The following MVK variants were observed in gnomAD, a reference collection of about 807,000 sequenced individuals.
MVK encodes the protein LH receptor mRNA-binding protein.
In MVK, 34 loss-of-function variants were observed where a neutral mutation model predicts 43.2. The ratio of observed to expected loss-of-function variants is 0.79; its 90% CI spans 0.60 to 1.05. MVK has a LOEUF of 1.05. Among genes scored for constraint, MVK ranks in the 50% least tolerant of loss-of-function variants. The pLI is 0.00. For missense variants in MVK, 395 were observed against 504.0 expected (o/e 0.78, Z 2.07); for synonymous variants, 190 against 219.8 (o/e 0.86, Z 1.20).
rs28934897 is a variant in MVK, at chr12:109,596,515, G to A, written c.1129G>A (p.Val377Ile). The A allele has an allele frequency of 2.1e-3, 3,382 of 1,612,856 alleles. 4 individuals carry two copies. Among genetic ancestry groups the A allele is most frequent in the Non-Finnish European group, 2.5e-3 (2,954 of 1,179,938 alleles). ...CLETSIGAPG[V>I]SIHSATSLDS... The stretch of plus-strand genomic sequence containing the variant: ...GGAAACCAGCATCGGTGCCCCCGGC[G>A]TCTCCATCCACTCAGCCACCTCCCT... Residue 377 changes from valine to isoleucine, a missense_variant, in exon 11 of 11, where the codon GTC becomes ATC. Transcript: ENST00000228510.
At chr12:109,573,901 C>T (rs896344071) in intron 1 of MVK, 28 bp downstream of exon 1, 5 of 191,512 alleles carry the variant, frequency 2.6e-5, no homozygotes, top group South Asian at 2.0e-4. Context: ...GGCGGCCGGG[C>T]GGCGCGAGGT....
chr12:109,591,926 G>A (rs771990594), intron 9 of MVK, among the ~76,000 whole-genome samples: 37 of 152,176 alleles, frequency 2.4e-4, no homozygotes, highest in African/African-American at 6.5e-4. Context: ...TCTGCTGGAC[G>A]TGTGGCCTCG....
chr12:109,583,029 GT>G (rs1375705667), intron 5 of MVK, among the ~76,000 whole-genome samples: 2 of 151,244 alleles, frequency 1.3e-5, no homozygotes, highest in Non-Finnish European at 2.9e-5. Context: ...TTTTGTTTTT[GT>G]TTTTTTAACT....
chr12:109,587,581 G>A (rs1230962938), intron 7 of MVK, among the ~76,000 whole-genome samples: 1 of 152,116 alleles, frequency 6.6e-6, no homozygotes, highest in Non-Finnish European at 1.5e-5. Flanking sequence ...AGGGCACTTT[G>A]CCACCTCCAT....
intron 5 of MVK, among the ~76,000 whole-genome samples, chr12:109,584,389 C>T (rs763257096): frequency 7.2e-5 from 11 of 152,210 alleles, no homozygotes; most frequent in South Asian, 2.1e-4. Context: ...GGCCCCCAGG[C>T]GCTGTGACCC....
intron 3 of MVK, among the ~76,000 whole-genome samples, chr12:109,578,229 C>A (rs1214820131): frequency 1.3e-5 from 2 of 151,830 alleles, no homozygotes; most frequent in Admixed American, 1.3e-4. Context: ...CTTTCAGTGT[C>A]CTTTTGCTCC....
At position 109,581,425 on chromosome 12, in the gene MVK, G is replaced by C; in HGVS notation, c.402G>C (p.Trp134Cys). ...TGCCGAGCCTGGATATCGTAGTGTG[G>C]TCGGAGCTGCCCCCCGGGGCGGGCT... The part of the protein sequence containing the change: ...RALPSLDIVV[W>C]SELPPGAGLG... Residue 134 changes from tryptophan (W) to cysteine (C), a missense_variant, in exon 5 of 11, where the codon TGG (tryptophan) becomes TGC (cysteine). Trp to Cys is a radical substitution (Grantham distance 215). Transcript: ENST00000228510. 6.2e-7 allele frequency: 1 copy of C among 1,614,142 alleles called. No homozygotes were observed. Among genetic ancestry groups the C allele is most frequent in the African/African-American group, 1.3e-5 (1 of 75,054 alleles).
At chr12:109,590,355 G>C (rs1250374403) in intron 7 of MVK, 14 of 331,186 alleles carry the variant, frequency 4.2e-5, no homozygotes, top group Non-Finnish European at 7.7e-5. Flanking sequence ...GCTCACACAG[G>C]CTGCTCCAAC....
In MVK at chr12:109,579,792, T is replaced by C; in HGVS notation, c.227-10T>C. 1 of 1,614,232 alleles carries C rather than the reference T, an allele frequency of 6.2e-7. No homozygotes were observed. The highest frequency in any genetic ancestry group is 2.2e-5 in the East Asian group (1 of 44,888). ...ACCCACTTGTGTTTGCTTGTTTGCCTGTGGAACAGAGCAAGGTGATGTCAC... is the reference window on the plus strand; with the variant it reads ...ACCCACTTGTGTTTGCTTGTTTGCCCGTGGAACAGAGCAAGGTGATGTCAC... On this transcript the variant is annotated splice_polypyrimidine_tract_variant and intron_variant, in intron 3 of 10. Transcript: ENST00000228510.
intron 9 of MVK, among the ~76,000 whole-genome samples, chr12:109,593,826 T>C (rs1346674995): frequency 1.3e-5 from 2 of 148,758 alleles, no homozygotes; most frequent in Non-Finnish European, 3.0e-5. Context: ...CAAATGATCC[T>C]CGTGCCGCAG....
chr12:109,596,542 G>A lies in MVK; in HGVS notation c.1156G>A (p.Asp386Asn), dbSNP rs104895380. The A allele has an allele frequency of 5.1e-4, 829 of 1,611,848 alleles. 10 individuals are homozygous for A. The South Asian group carries it at 8.3e-3, about 16-fold the overall frequency. Residue 386 changes from aspartate (D) to asparagine (N), a missense_variant, in exon 11 of 11, where the codon GAC (aspartate) becomes AAC (asparagine). Asp to Asn is a conservative substitution (Grantham distance 23, BLOSUM62 1). Transcript: ENST00000228510. ...GVSIHSATSL[D>N]SRVQQALDGL ...CTCCATCCACTCAGCCACCTCCCTG[G>A]ACAGCCGAGTCCAGCAAGCCCTGGA...
chr12:109,581,831 G>A (rs991553299), intron 5 of MVK, among the ~76,000 whole-genome samples: 5 of 152,148 alleles, frequency 3.3e-5, no homozygotes, highest in African/African-American at 1.2e-4. Flanking sequence ...AGCGCCCATG[G>A]TATGGTAGAA....
chr12:109,597,892 G>C lies in MVK; in HGVS notation c.*1315G>C, dbSNP rs1885985300. On this transcript the variant is annotated 3_prime_UTR_variant, in exon 11 of 11. Coordinates refer to ENST00000228510, the MANE Select transcript of MVK (RefSeq NM_000431.4). ...CCTTGGCCACTAGGGGGCAGCTGGC[G>C]GCCTTCCCTGCTGTTGTCTTCCTGC... is the stretch of plus-strand genomic sequence containing the variant. The C allele has an allele frequency of 6.6e-6, 1 of 152,164 alleles. No homozygotes were observed. The highest frequency in any genetic ancestry group is 2.1e-4 in the South Asian group (1 of 4,828). 9.4% of individuals were successfully genotyped at this position (152,164 alleles called of 1,614,324 possible). A position where few individuals can be genotyped will look rare whatever the true frequency, so the allele number is the denominator to read the frequency against.
intron 3 of MVK, chr12:109,579,355 G>T (rs1885109745): frequency 2.8e-6 from 1 of 354,702 alleles, no homozygotes; most frequent in Non-Finnish European, 5.6e-6. Flanking sequence ...ACCTAGGCTG[G>T]TCTCAAACTC....
intron 5 of MVK, among the ~76,000 whole-genome samples, chr12:109,583,980 A>G (rs187084094): frequency 6.6e-6 from 1 of 152,358 alleles, no homozygotes; most frequent in Admixed American, 6.5e-5. Flanking sequence ...TGTTGGCACC[A>G]TTAAGTTAGT....
Position 109,591,257 on chromosome 12 carries a change from C to A in MVK, c.785C>A (p.Ala262Asp). ...NRLLKFPEIV[A>D]PLLTSIDAIS... ...TTTCTCCAGTTCCCAGAGATCGTGG[C>A]CCCCCTCCTGACCTCAATAGATGCC... The change falls in exon 9 of 11, where the codon GCC becomes GAC. Residue 262 changes from alanine (A) to aspartate (D), a missense_variant. By Grantham distance (126) the Ala-to-Asp change is moderately radical (BLOSUM62 -2). Transcript: ENST00000228510. 1 of 1,614,118 alleles carries A rather than the reference C, an allele frequency of 6.2e-7. No individual in the cohort carries two copies. The highest frequency in any genetic ancestry group is 1.7e-5 in the Admixed American group (1 of 60,024).
chr12:109,579,772 C>T, intron 3 of MVK, 30 bp from the exon 4 acceptor site: 1 of 1,614,150 alleles, frequency 6.2e-7, no homozygotes, highest in Non-Finnish European at 8.5e-7. Context: ...CTCTCACCCA[C>T]TTGTGTTTGC....
At chr12:109,590,724 C>T (rs747662703) in intron 7 of MVK, 47 bp from the exon 8 acceptor site, 1 of 1,573,320 alleles carries the variant, frequency 6.4e-7, no homozygotes, top group Non-Finnish European at 8.7e-7. Context: ...TGTCCCAGCT[C>T]CTCCATCTTG....
At position 109,590,886 on chromosome 12, in the gene MVK, A is replaced by C. The variant is rs1440481636; in HGVS notation, c.768+25A>C. The stretch of plus-strand genomic sequence containing the variant: ...GGTGACTCTTGTTCCCTTCTTGGGC[A>C]GGTTTCAGGAAGGCCAGGACACAAT... On this transcript the variant is annotated intron_variant, in intron 8 of 10. Transcript: ENST00000228510. The C allele has an allele frequency of 1.2e-6, 2 of 1,608,936 alleles. 1 individual carries two copies. Among genetic ancestry groups the C allele is most frequent in the Admixed American group, 3.3e-5 (2 of 59,946 alleles).
Sources: allele counts gnomAD v4.1 joint callset (sites outside exome capture counted in the v4.1 genomes callset), GRCh38; gene constraint gnomAD v4.1.1; transcripts MANE v1.5; gene names NCBI Gene and HGNC (gene_info 2026-07-23, HGNC 2026-07-21).